TM9SF2: variants seen among roughly 807,000 people sequenced by gnomAD.
TM9SF2 encodes transmembrane 9 superfamily member 2.
Under a neutral mutation model 84.9 loss-of-function variants are expected in TM9SF2, and 13 were observed. That is an observed-to-expected ratio of 0.15 (90% CI 0.10 to 0.24). The LOEUF is 0.24. Among genes scored for constraint, TM9SF2 ranks in the 10% least tolerant of loss-of-function variants. The pLI, the probability that TM9SF2 is intolerant of heterozygous loss-of-function variation, is 1.00. For missense variants in TM9SF2, 562 were observed against 818.5 expected (o/e 0.69, Z 3.82); for synonymous variants, 273 against 285.8 (o/e 0.96, Z 0.45).
At chr13:99,549,321 T>C (rs1387561630) in intron 12 of TM9SF2, 99 bp downstream of exon 12, 2 of 893,946 alleles carry the variant, frequency 2.2e-6, no homozygotes, top group Non-Finnish European at 3.6e-6. Context: ...CTCTAAATCA[T>C]GTACCTAAGA....
In TM9SF2 at chr13:99,541,680, A is replaced by G. The variant is rs755889386; in HGVS notation, c.1017+13A>G. 1.3e-6 allele frequency: 2 copies of G among 1,564,668 alleles called. No homozygotes were observed. Among genetic ancestry groups the G allele is most frequent in the Non-Finnish European group, 1.8e-6 (2 of 1,140,994 alleles). On this transcript the variant is annotated intron_variant, in intron 9 of 16. Transcript: ENST00000376387. ...GATGGACTCTACGGTAAGTGGAAAC[A>G]TTTTAGTCTTTAGTCTGCCAAGGAC...
chr13:99,533,958 C>T (rs946741487), intron 4 of TM9SF2, among the ~76,000 whole-genome samples: 5 of 152,198 alleles, frequency 3.3e-5, no homozygotes, highest in South Asian at 2.1e-4. Context: ...CGCGAGCCAC[C>T]GCTCCTGGCC....
At chr13:99,538,982 T>C (rs1270142018) in intron 6 of TM9SF2, among the ~76,000 whole-genome samples, 8 of 151,824 alleles carry the variant, frequency 5.3e-5, no homozygotes. Context: ...GGCAGTAGGA[T>C]TGCTTGAGCC....
At chr13:99,505,406 C>A (rs1188938889) in intron 1 of TM9SF2, among the ~76,000 whole-genome samples, 3 of 152,230 alleles carry the variant, frequency 2.0e-5, no homozygotes, top group Admixed American at 1.3e-4. Context: ...TCACCCACTT[C>A]AGCCTCCCAA....
chr13:99,544,106 C>T (rs2046272591), intron 10 of TM9SF2, 111 bp downstream of exon 10: 1 of 1,234,142 alleles, frequency 8.1e-7, no homozygotes, highest in Non-Finnish European at 1.1e-6. Flanking sequence ...AATCCTAGCA[C>T]TTTGGGAGGC....
intron 1 of TM9SF2, among the ~76,000 whole-genome samples, chr13:99,503,390 A>G (rs919043491): frequency 3.9e-5 from 6 of 152,350 alleles, no homozygotes; most frequent in Admixed American, 1.3e-4. Flanking sequence ...TCAGTGGACT[A>G]GAGTCTTTAG....
rs756835677 is a variant in TM9SF2, at chr13:99,529,638, A to G, written c.461+44A>G. 8.9e-6 allele frequency: 13 copies of G among 1,453,700 alleles called. No individual in the cohort carries two copies. The South Asian group carries it at 9.4e-5, about 11-fold the overall frequency. The allele number at this position is 1,453,700 out of a possible 1,614,324, so 90.1% of individuals were successfully genotyped here. A position where few individuals can be genotyped will look rare whatever the true frequency, so the allele number is the denominator to read the frequency against. On this transcript the variant is annotated intron_variant, in intron 4 of 16. Transcript: ENST00000376387. ...CGATTTTGGGGTTTATCCTTTCCAT[A>G]TGAAATCTTTGTTGCTTTGACTATA...
intron 4 of TM9SF2, 102 bp downstream of exon 4, chr13:99,529,696 T>C (rs1409915728): frequency 8.0e-7 from 1 of 1,255,402 alleles, no homozygotes; most frequent in Non-Finnish European, 1.0e-6. Context: ...TATAGCAAAT[T>C]AATTGATTTC....
chr13:99,503,431 A>T (rs1174557295), intron 1 of TM9SF2, among the ~76,000 whole-genome samples: 1 of 152,176 alleles, frequency 6.6e-6, no homozygotes, highest in Non-Finnish European at 1.5e-5. Flanking sequence ...TGACAGGGCC[A>T]GGTGTGGTGG....
In TM9SF2 at chr13:99,554,429, A is replaced by G. The variant is rs1202985664; in HGVS notation, c.1614A>G (p.Gln538=). 3 of 1,613,988 alleles carry G rather than the reference A, an allele frequency of 1.9e-6. No individual in the cohort carries two copies. In the African/African-American group the frequency reaches 4.0e-5, roughly 22 times the overall value. ...TGCCCTTTGGCTGCATCTTTATACAACTTTTCTTCATTCTGAATAGTATTT... is the reference window on the plus strand; with the variant it reads ...TGCCCTTTGGCTGCATCTTTATACAGCTTTTCTTCATTCTGAATAGTATTT... ...GILPFGCIFI[Q]LFFILNSIWS... The change falls in exon 14 of 17, where the codon CAA becomes CAG. Residue 538 remains glutamine, a synonymous_variant. Transcript: ENST00000376387.
intron 10 of TM9SF2, among the ~76,000 whole-genome samples, chr13:99,545,132 C>T (rs1049821808): frequency 2.0e-5 from 3 of 152,046 alleles, no homozygotes; most frequent in African/African-American, 4.8e-5. Context: ...TTTTAGTAAA[C>T]ATTTATTTTT....
chr13:99,562,407 G>A (rs2046348190), intron 16 of TM9SF2, among the ~76,000 whole-genome samples: 1 of 152,288 alleles, frequency 6.6e-6, no homozygotes, highest in Non-Finnish European at 1.5e-5. Flanking sequence ...AAGGACAGTT[G>A]ACATCCTTCA....
rs373090401 is a variant in TM9SF2 at position 99,552,471 on chromosome 13, GTAT to G, written c.1488+150_1488+152del. On this transcript the variant is annotated intron_variant, in intron 13 of 16. Transcript: ENST00000376387. ...TTCATAGAATATTTTTAAAATAGTA[GTAT>G]TATTTAGGAGCGTGGTAGAGAGGTT... 8.4e-5 allele frequency: 73 copies of G among 868,918 alleles called. 1 individual carries two copies. In the East Asian group the frequency reaches 1.3e-3, roughly 15 times the overall value. 53.8% of individuals were successfully genotyped at this position (868,918 alleles called of 1,614,324 possible).
At chr13:99,524,636 G>A (rs2046174337) in intron 3 of TM9SF2, among the ~76,000 whole-genome samples, 2 of 151,890 alleles carry the variant, frequency 1.3e-5, no homozygotes, top group South Asian at 4.2e-4. Context: ...GATCCCCAAG[G>A]GAGTGGGTAT....
At chr13:99,522,932 A>G (rs568872741) in intron 3 of TM9SF2, among the ~76,000 whole-genome samples, 2 of 152,302 alleles carry the variant, frequency 1.3e-5, no homozygotes, top group African/African-American at 4.8e-5. Flanking sequence ...TTGAGGTTAA[A>G]TATAATAAAA....
At chr13:99,518,428 T>C (rs982047829) in intron 2 of TM9SF2, among the ~76,000 whole-genome samples, 2 of 152,162 alleles carry the variant, frequency 1.3e-5, no homozygotes, top group African/African-American at 4.8e-5. Context: ...TTATTTTTGA[T>C]TGGCACCTTG....
At chr13:99,552,070 A>T in intron 12 of TM9SF2, 97 bp from the exon 13 acceptor site, 1 of 1,170,988 alleles carries the variant, frequency 8.5e-7, no homozygotes, top group Non-Finnish European at 1.2e-6. Flanking sequence ...TTCTTTGTAT[A>T]TATATATTAG....
rs767847738 is a variant in TM9SF2 at position 99,554,515 on chromosome 13, G to C, written c.1640+60G>C. ...CCATTATATGTAATATTTCCTTTTT[G>C]TTTGTTTATATGGGTTACTATTTGT... On this transcript the variant is annotated intron_variant, in intron 14 of 16. Transcript: ENST00000376387. 8.7e-4 allele frequency: 1,342 copies of C among 1,536,066 alleles called. 4 individuals carry two copies. The highest frequency in any genetic ancestry group is 1.1e-3 in the Non-Finnish European group (1,268 of 1,134,186).
intron 16 of TM9SF2, among the ~76,000 whole-genome samples, chr13:99,560,440 C>T (rs1048737568): frequency 2.0e-5 from 3 of 152,008 alleles, no homozygotes; most frequent in South Asian, 2.1e-4. Context: ...CTTGGTGCTA[C>T]GTGATAAATT....
Sources: gnomAD v4.1 joint callset for allele counts (sites outside exome capture counted in the v4.1 genomes callset) on GRCh38, gnomAD v4.1.1 for gene constraint, MANE v1.5 for transcripts, NCBI Gene and HGNC (gene_info 2026-07-23, HGNC 2026-07-21) for gene names.